Variants in ARL10 observed in about 807,000 individuals in gnomAD.
ARL10 encodes the protein ARF like GTPase 10.
In ARL10, 23 loss-of-function variants were observed where a neutral mutation model predicts 26.1. The observed-to-expected ratio is 0.88, with a 90% CI of 0.63 to 1.25. ARL10 has a LOEUF of 1.25. ARL10 is among the 50% of genes most tolerant of loss of function. ARL10 has a pLI of 0.00. For missense variants in ARL10, 300 were observed against 323.6 expected (o/e 0.93, Z 0.56); for synonymous variants, 138 against 149.1 (o/e 0.93, Z 0.54).
In ARL10 at chr5:176,380,110, T is replaced by C. The variant is rs1755515354; in HGVS notation, c.*8215T>C. On this transcript the variant is annotated 3_prime_UTR_variant, in exon 4 of 4. Transcript: ENST00000310389. ...AGGCATTTGTCCAACTTCCCCTTTT[T>C]CATTAGCCTCAAGGAGAAAAGGTAA... The C allele has an allele frequency of 2.6e-5, 4 of 152,214 alleles. No individual in the cohort carries two copies. In the South Asian group the frequency reaches 8.3e-4, roughly 31 times the overall value. 9.4% of individuals were successfully genotyped at this position (152,214 alleles called of 1,614,324 possible).
chr5:176,386,881 T>C, downstream of ARL10: 1 of 1,614,120 alleles, frequency 6.2e-7, no homozygotes, highest in East Asian at 2.2e-5. Context: ...TTTAGGCCTC[T>C]CCTCTATGTC....
chr5:176,368,740 G>C lies in ARL10; in HGVS notation c.386-67G>C. On this transcript the variant is annotated intron_variant, in intron 2 of 3. Transcript: ENST00000310389. This position sits in a 1 kb window ranked among gnomAD's most constrained non-coding sequence, Gnocchi z 4.1. ...GGGCAGTGAGCGGGGGCCCGGGGTG[G>C]GGTGGGGGCTGTGGGCAGTGAGCGG... The C allele has an allele frequency of 6.6e-7, 1 of 1,515,454 alleles. No homozygotes were observed. Among genetic ancestry groups the C allele is most frequent in the Non-Finnish European group, 8.8e-7 (1 of 1,135,310 alleles). 93.9% of individuals were successfully genotyped at this position (1,515,454 alleles called of 1,614,324 possible).
chr5:176,383,213 TG>T (rs1468398675), downstream of ARL10, among the ~76,000 whole-genome samples: 1 of 152,212 alleles, frequency 6.6e-6, no homozygotes, highest in Non-Finnish European at 1.5e-5. Context: ...TCACATGAAA[TG>T]ATCTATGGAA....
the ARL10 span, among the ~76,000 whole-genome samples, chr5:176,414,601 C>T: frequency 6.6e-6 from 1 of 152,052 alleles, no homozygotes; most frequent in African/African-American, 2.4e-5. Context: ...TGCCACCATG[C>T]CTGGCTAATT....
At chr5:176,410,252 C>T in the ARL10 span, 1 of 1,613,904 alleles carries the variant, frequency 6.2e-7, no homozygotes, top group South Asian at 1.1e-5. Flanking sequence ...CAGAGCCTTG[C>T]TTACCTGAAA....
the ARL10 span, chr5:176,407,463 C>G: frequency 5.9e-5 from 9 of 152,184 alleles, no homozygotes; most frequent in African/African-American, 2.2e-4. Flanking sequence ...ACTACCCTGC[C>G]TAGCCAATTT....
rs938769529 is a variant in ARL10, at chr5:176,379,957, C to T, written c.*8062C>T. 1 of 152,132 alleles carries T rather than the reference C, an allele frequency of 6.6e-6. No individual in the cohort carries two copies. Among genetic ancestry groups the T allele is most frequent in the Admixed American group, 6.6e-5 (1 of 15,262 alleles). 9.4% of individuals were successfully genotyped at this position (152,132 alleles called of 1,614,324 possible). On this transcript the variant is annotated 3_prime_UTR_variant, in exon 4 of 4. Coordinates refer to ENST00000310389, the MANE Select transcript of ARL10 (RefSeq NM_173664.6). ...GCTCTTATGAGGATTCTCAATTTTC[C>T]AGTACGTTTTTGAGTATTTTCTCTT...
chr5:176,398,108 C>G (rs541136384), intron 1 of ARL10: 1 of 1,492,640 alleles, frequency 6.7e-7, no homozygotes, highest in Admixed American at 1.7e-5. Flanking sequence ...GTCTCTGCTG[C>G]CCCTGCTGGG....
In ARL10 at chr5:176,373,909, G is replaced by A. The variant is rs573755645; in HGVS notation, c.*2014G>A. Reference sequence around the variant, plus strand: ...TAACGAAGTTTAAAAAGTATGTTCTGTTTTTGAGCAGAAAAAAGATTCGTG... The same window carrying A: ...TAACGAAGTTTAAAAAGTATGTTCTATTTTTGAGCAGAAAAAAGATTCGTG... On this transcript the variant is annotated 3_prime_UTR_variant, in exon 4 of 4. Transcript: ENST00000310389. The A allele has an allele frequency of 1.3e-5, 2 of 152,320 alleles. No homozygotes were observed. The highest frequency in any genetic ancestry group is 3.9e-4 in the East Asian group (2 of 5,186). 9.4% of individuals were successfully genotyped at this position (152,320 alleles called of 1,614,324 possible).
Position 176,372,226 on chromosome 5 carries a change from C to T in ARL10, c.*331C>T, listed in dbSNP as rs76647841. On this transcript the variant is annotated 3_prime_UTR_variant, in exon 4 of 4. Transcript: ENST00000310389. Reference sequence around the variant, plus strand: ...GGGCTCAATCCTCCACTACAGGTCCCGGTACCTGAGGAACCAGTGTAGGTG... The same window carrying T: ...GGGCTCAATCCTCCACTACAGGTCCTGGTACCTGAGGAACCAGTGTAGGTG... 426 of 460,518 alleles carry T rather than the reference C, an allele frequency of 9.3e-4. No homozygotes were observed. Among genetic ancestry groups the T allele is most frequent in the Non-Finnish European group, 1.3e-3 (390 of 311,024 alleles). 28.5% of individuals were successfully genotyped at this position (460,518 alleles called of 1,614,324 possible).
At chr5:176,405,220 C>T (rs900385729), downstream of ARL10, among the ~76,000 whole-genome samples, 1 of 152,006 alleles carries the variant, frequency 6.6e-6, no homozygotes, top group African/African-American at 2.4e-5. Flanking sequence ...CCAGGTGCAG[C>T]GGCTCACACC....
intron 1 of ARL10, among the ~76,000 whole-genome samples, chr5:176,394,793 T>C (rs554739834): frequency 2.0e-5 from 3 of 151,076 alleles, no homozygotes; most frequent in South Asian, 4.2e-4. Flanking sequence ...CCAGCCTGGG[T>C]GACAGAGCAA....
the ARL10 span, among the ~76,000 whole-genome samples, chr5:176,412,168 TC>T: frequency 7.6e-6 from 1 of 130,994 alleles, no homozygotes; most frequent in Admixed American, 8.4e-5. Flanking sequence ...AGAGTGAGAC[TC>T]ATCTCAAAAA....
downstream of ARL10, among the ~76,000 whole-genome samples, chr5:176,404,372 T>G (rs1756992749): frequency 6.6e-6 from 1 of 152,164 alleles, no homozygotes; most frequent in Non-Finnish European, 1.5e-5. Flanking sequence ...GTGAGAAGCG[T>G]CCGGGGCTGC....
In ARL10 at chr5:176,378,333, G is replaced by A. The variant is rs1028805907; in HGVS notation, c.*6438G>A. Reference sequence around the variant, plus strand: ...GGCAGTCCCTTGATATTCAGGTTCAGCTTTCCATGTATGGGCTTCAATCTT... The same window carrying A: ...GGCAGTCCCTTGATATTCAGGTTCAACTTTCCATGTATGGGCTTCAATCTT... On this transcript the variant is annotated 3_prime_UTR_variant, in exon 4 of 4. Transcript: ENST00000310389. 6.6e-6 allele frequency: 1 copy of A among 152,186 alleles called. No homozygotes were observed. The highest frequency in any genetic ancestry group is 1.5e-5 in the Non-Finnish European group (1 of 68,030). 9.4% of individuals were successfully genotyped at this position (152,186 alleles called of 1,614,324 possible).
intron 1 of ARL10, 112 bp downstream of exon 1, chr5:176,365,858 G>A: frequency 8.7e-7 from 1 of 1,147,144 alleles, no homozygotes; most frequent in Non-Finnish European, 1.1e-6. Flanking sequence ...GGAGCTTGGG[G>A]GGTCGAGGGC....
chr5:176,368,085 G>A lies in ARL10; in HGVS notation c.386-722G>A, dbSNP rs1236754026. On this transcript the variant is annotated intron_variant, in intron 2 of 3. Coordinates refer to ENST00000310389, the MANE Select transcript of ARL10 (RefSeq NM_173664.6). This position sits in a 1 kb window ranked among gnomAD's most constrained non-coding sequence, Gnocchi z 4.1. ...GACTCTCACAGCTTAGAATCCTCAA[G>A]TGTCAGAAACATAGCCAGAAACACT... 1.6e-5 allele frequency: 8 copies of A among 499,204 alleles called. No homozygotes were observed. The highest frequency in any genetic ancestry group is 2.4e-5 in the Non-Finnish European group (6 of 246,934). The allele number at this position is 499,204 out of a possible 1,614,324, so 30.9% of individuals were successfully genotyped here.
Position 176,381,201 on chromosome 5 carries a change from A to G in ARL10, c.*9306A>G, listed in dbSNP as rs1248896461. ...TTTATTATGGGATGCAGTCCAATCC[A>G]GGACCCAGTCCAGTAAAAATTGCTC... On this transcript the variant is annotated 3_prime_UTR_variant, in exon 4 of 4. Transcript: ENST00000310389. 1 of 152,228 alleles carries G rather than the reference A, an allele frequency of 6.6e-6. No individual in the cohort carries two copies. Among genetic ancestry groups the G allele is most frequent in the African/African-American group, 2.4e-5 (1 of 41,462 alleles). The allele number at this position is 152,228 out of a possible 1,614,324, so 9.4% of individuals were successfully genotyped here.
rs553849798 is a variant in ARL10, at chr5:176,397,855, T to C, written c.134-3886T>C. ...CCACATTAAGGCATGCAGCATCCCA[T>C]GCACTCCGAGGACTCCCCACACTCC... On this transcript the variant is annotated intron_variant, in intron 1 of 1. Transcript: ENST00000514533. 2.7e-6 allele frequency: 4 copies of C among 1,478,114 alleles called. No homozygotes were observed. In the African/African-American group the frequency reaches 4.1e-5, roughly 15 times the overall value. The allele number at this position is 1,478,114 out of a possible 1,614,324, so 91.6% of individuals were successfully genotyped here.
Sources: gnomAD v4.1 joint callset for allele counts (sites outside exome capture counted in the v4.1 genomes callset) on GRCh38, gnomAD v4.1.1 for gene constraint, Gnocchi (gnomAD v3.1) non-coding constraint, MANE v1.5 for transcripts, NCBI Gene and HGNC (gene_info 2026-07-23, HGNC 2026-07-21) for gene names.